CCDC148: variants seen among roughly 807,000 people sequenced by gnomAD.
CCDC148 encodes the protein coiled-coil domain-containing protein 148.
A neutral mutation model predicts 85.7 loss-of-function variants in CCDC148; 89 were observed. The ratio of observed to expected loss-of-function variants is 1.04; its 90% CI spans 0.87 to 1.24. CCDC148 has a LOEUF of 1.24. Among genes scored for constraint, CCDC148 ranks in the 50% most tolerant of loss-of-function variants. The pLI is 0.00. For missense variants in CCDC148, 692 were observed against 671.7 expected, an observed-to-expected ratio of 1.03 and a Z score of -0.33; for synonymous variants, 230 against 213.9, an observed-to-expected ratio of 1.08 and a Z score of -0.66.
chr2:158,451,777 TCTA>T (rs1359262561), intron 1 of CCDC148, among the ~76,000 whole-genome samples: 1 of 152,118 alleles, frequency 6.6e-6, no homozygotes, highest in African/African-American at 2.4e-5. Flanking sequence ...TAATTCATTT[TCTA>T]CTATTTACTT....
chr2:158,352,591 T>C (rs1376928715), intron 2 of CCDC148, among the ~76,000 whole-genome samples: 6 of 152,144 alleles, frequency 3.9e-5, no homozygotes, highest in African/African-American at 7.2e-5. Flanking sequence ...AGACCAAATC[T>C]ACGTCTGATT....
At chr2:158,303,859 A>G (rs141137962) in intron 9 of CCDC148, among the ~76,000 whole-genome samples, 116 of 152,312 alleles carry the variant, frequency 7.6e-4, no homozygotes, top group Non-Finnish European at 1.2e-3. Flanking sequence ...ACCTCTGCAC[A>G]TCTCAGCTTA....
chr2:158,285,872 C>G (rs1690601297), intron 9 of CCDC148, among the ~76,000 whole-genome samples: 1 of 152,138 alleles, frequency 6.6e-6, no homozygotes, highest in East Asian at 1.9e-4. Flanking sequence ...TGTTCTCTTT[C>G]AGGTCAGGAA....
At chr2:158,417,619 C>T (rs1574783446) in intron 1 of CCDC148, among the ~76,000 whole-genome samples, 1 of 152,218 alleles carries the variant, frequency 6.6e-6, no homozygotes, top group Non-Finnish European at 1.5e-5. Flanking sequence ...TCTCCTTTCA[C>T]AGATGCCAGA....
At chr2:158,244,124 A>G (rs920335310) in intron 10 of CCDC148, among the ~76,000 whole-genome samples, 17 of 152,138 alleles carry the variant, frequency 1.1e-4, no homozygotes, top group African/African-American at 4.1e-4. Context: ...GTATTCTAGC[A>G]TTTTTCTATC....
At chr2:158,219,332 C>A (rs1233713682) in intron 11 of CCDC148, among the ~76,000 whole-genome samples, 2 of 152,106 alleles carry the variant, frequency 1.3e-5, no homozygotes, top group Admixed American at 6.5e-5. Context: ...GATAACTATG[C>A]CAGTTATCAA....
At chr2:158,429,491 G>A (rs559175178) in intron 1 of CCDC148, among the ~76,000 whole-genome samples, 5 of 152,170 alleles carry the variant, frequency 3.3e-5, no homozygotes, top group African/African-American at 1.2e-4. Context: ...TAAAAGCAAT[G>A]GCAAGAGAGA....
intron 1 of CCDC148, among the ~76,000 whole-genome samples, chr2:158,432,286 T>C (rs1014960746): frequency 1.3e-5 from 2 of 151,222 alleles, no homozygotes; most frequent in Non-Finnish European, 2.9e-5. Context: ...GTTATAAGTA[T>C]ATTAAAGGTA....
intron 13 of CCDC148, among the ~76,000 whole-genome samples, chr2:158,172,680 G>C (rs1684375188): frequency 6.6e-6 from 1 of 152,006 alleles, no homozygotes; most frequent in African/African-American, 2.4e-5. Context: ...TGTAAATTAA[G>C]TTTAAACACA....
At chr2:158,339,278 T>C (rs1054430029) in intron 5 of CCDC148, among the ~76,000 whole-genome samples, 193 bp from the exon 6 acceptor site, 1 of 151,998 alleles carries the variant, frequency 6.6e-6, no homozygotes, top group Non-Finnish European at 1.5e-5. Flanking sequence ...CTTCTAGACA[T>C]CCCAAAAATA....
intron 10 of CCDC148, among the ~76,000 whole-genome samples, chr2:158,237,199 T>C (rs1255543713): frequency 6.6e-6 from 1 of 152,050 alleles, no homozygotes; most frequent in Non-Finnish European, 1.5e-5. Flanking sequence ...GAGTAGGATA[T>C]GAGATTTAAG....
In CCDC148 at chr2:158,241,230, T is replaced by C. The variant is rs540919745; in HGVS notation, c.1251+9542A>G. 2.0e-5 allele frequency among the ~76,000 whole-genome samples: 3 copies of C among 152,374 alleles called. No individual in the cohort carries two copies. The East Asian group carries it at 5.8e-4, about 29-fold the overall frequency. On this transcript the variant is annotated intron_variant, in intron 10 of 13. Coordinates refer to ENST00000283233, the MANE Select transcript of CCDC148 (RefSeq NM_138803.4). ...ATATATTTGCGTATGCATATATGTA[T>C]GTATGTATATGCACAAATGTATTTA...
At chr2:158,349,059 T>C (rs1683134132) in intron 2 of CCDC148, among the ~76,000 whole-genome samples, 1 of 152,104 alleles carries the variant, frequency 6.6e-6, no homozygotes, top group South Asian at 2.1e-4. Flanking sequence ...CTTATATAGC[T>C]GGCATCGCAG....
At chr2:158,183,073 T>C (rs1397838141) in intron 11 of CCDC148, among the ~76,000 whole-genome samples, 1 of 152,156 alleles carries the variant, frequency 6.6e-6, no homozygotes, top group Non-Finnish European at 1.5e-5. Context: ...TTTCTCAGTC[T>C]ATTATATGCT....
intron 1 of CCDC148, among the ~76,000 whole-genome samples, chr2:158,451,111 T>C (rs1320462856): frequency 1.3e-5 from 2 of 152,204 alleles, no homozygotes; most frequent in Non-Finnish European, 2.9e-5. Flanking sequence ...TAAATTGTTA[T>C]ATTTTTCAAC....
At chr2:158,316,258 A>G (rs1692277501) in intron 7 of CCDC148, among the ~76,000 whole-genome samples, 1 of 152,274 alleles carries the variant, frequency 6.6e-6, no homozygotes, top group Non-Finnish European at 1.5e-5. Flanking sequence ...CTTTCCAAAT[A>G]GAAGCACACA....
rs76484737 is a variant in CCDC148, at chr2:158,381,877, A to G, written c.26-23307T>C. On this transcript the variant is annotated intron_variant, in intron 1 of 13. Transcript: ENST00000283233. ...TACCTGAAACAAACAAAAAGAAACT[A>G]CTCAGATACTATGGTCTGAATGTTG... Among the ~76,000 whole-genome samples, 125 of 152,028 alleles carry G rather than the reference A, an allele frequency of 8.2e-4. No homozygotes were observed. In the East Asian group the frequency reaches 0.023, roughly 28 times the overall value.
At chr2:158,433,895 C>G (rs574586031) in intron 1 of CCDC148, among the ~76,000 whole-genome samples, 1 of 152,214 alleles carries the variant, frequency 6.6e-6, no homozygotes, top group Non-Finnish European at 1.5e-5. Context: ...AATCTGAGAT[C>G]GAACCGCAAG....
rs567924193 is a variant in CCDC148, at chr2:158,220,684, C to A, written c.1281G>T (p.Gln427His). ...CTCTCATTTCCATTTCTTGCCACTT[C>A]TGTTTTTTCTTGGCCCAGTATTTTT... ...KIKKYWAKKKQKWQEMEMRDL... is the reference protein window; with the variant it reads ...KIKKYWAKKKHKWQEMEMRDL... The change falls in exon 11 of 14, where the codon CAG becomes CAT. Residue 427 changes from glutamine (Q) to histidine (H), a missense_variant. Physicochemically the swap from Gln to His is conservative, Grantham distance 24 (BLOSUM62 0). Transcript: ENST00000283233. 8.2e-6 allele frequency: 13 copies of A among 1,586,250 alleles called. No homozygotes were observed. Among genetic ancestry groups the A allele is most frequent in the Middle Eastern group, 3.3e-4 (2 of 6,000 alleles).
Sources: allele counts gnomAD v4.1 joint callset (sites outside exome capture counted in the v4.1 genomes callset), GRCh38; gene constraint gnomAD v4.1.1; transcripts MANE v1.5; gene names NCBI Gene and HGNC (gene_info 2026-07-23, HGNC 2026-07-21).